Variants in GABRG3 observed in about 807,000 individuals in gnomAD.
GABRG3 encodes the protein gamma-aminobutyric acid type A receptor subunit gamma3, also known as gamma-aminobutyric acid receptor subunit gamma-3.
Under a neutral mutation model 48.8 loss-of-function variants are expected in GABRG3, and 25 were observed. That is an observed-to-expected ratio of 0.51 (90% CI 0.37 to 0.72). The LOEUF is 0.72. Ranked by LOEUF, GABRG3 falls within the 30% of genes least tolerant of loss-of-function variation. The pLI, the probability that GABRG3 is intolerant of heterozygous loss-of-function variation, is 0.00. For synonymous variants in GABRG3, 227 were observed against 217.6 expected (o/e 1.04, Z -0.38); for missense variants, 394 against 577.9 (o/e 0.68, Z 3.26).
In GABRG3 at chr15:27,539,104, C is replaced by G. The variant is rs1891611217; in HGVS notation, c.*6223C>G. The G allele has an allele frequency of 6.6e-6, 1 of 152,000 alleles. No individual in the cohort carries two copies. Among genetic ancestry groups the G allele is most frequent in the South Asian group, 2.1e-4 (1 of 4,822 alleles). The allele number at this position is 152,000 out of a possible 1,614,324, so 9.4% of individuals were successfully genotyped here. On this transcript the variant is annotated 3_prime_UTR_variant, in exon 10 of 10. Transcript: ENST00000615808. Reference sequence around the variant, plus strand: ...TCCTTTGGGAAAGGAACCTGTGGACCCTGGAGCTAAGTTGTCATTTTAGGG... The same window carrying G: ...TCCTTTGGGAAAGGAACCTGTGGACGCTGGAGCTAAGTTGTCATTTTAGGG...
intron 3 of GABRG3, among the ~76,000 whole-genome samples, chr15:27,067,916 C>T (rs1319271107): frequency 6.6e-6 from 1 of 152,162 alleles, no homozygotes; most frequent in Admixed American, 6.5e-5. Context: ...CTGCATCATA[C>T]TTTGAACATG....
chr15:27,222,845 G>C (rs1214093116), intron 3 of GABRG3, among the ~76,000 whole-genome samples: 1 of 152,160 alleles, frequency 6.6e-6, no homozygotes, highest in Non-Finnish European at 1.5e-5. Context: ...GGTTCCCCAC[G>C]GCCCTGGAAC....
At chr15:27,128,265 T>C (rs1243187645) in intron 3 of GABRG3, among the ~76,000 whole-genome samples, 2 of 152,174 alleles carry the variant, frequency 1.3e-5, no homozygotes, top group East Asian at 3.9e-4. Context: ...GGAGGAGAGC[T>C]TGTGGCTGCT....
At chr15:27,178,456 C>T (rs941235522) in intron 3 of GABRG3, among the ~76,000 whole-genome samples, 1 of 152,200 alleles carries the variant, frequency 6.6e-6, no homozygotes. Flanking sequence ...TCATTTAATA[C>T]TTGCTCTTGG....
At chr15:27,216,111 A>T (rs944505736) in intron 3 of GABRG3, among the ~76,000 whole-genome samples, 1 of 152,148 alleles carries the variant, frequency 6.6e-6, no homozygotes, top group Non-Finnish European at 1.5e-5. Flanking sequence ...CAGTTGCAGC[A>T]TGTTGCCCAG....
At chr15:27,111,821 C>T (rs985341100) in intron 3 of GABRG3, among the ~76,000 whole-genome samples, 1 of 152,128 alleles carries the variant, frequency 6.6e-6, no homozygotes, top group Non-Finnish European at 1.5e-5. Context: ...GTTTCTGTCC[C>T]TACTCCAGTG....
chr15:27,141,804 A>T (rs1289563928), intron 3 of GABRG3, among the ~76,000 whole-genome samples: 1 of 152,176 alleles, frequency 6.6e-6, no homozygotes, highest in Admixed American at 6.5e-5. Flanking sequence ...ACTACAGAGG[A>T]ATTAGTCTGT....
chr15:27,495,683 T>C (rs1319333600), intron 6 of GABRG3, among the ~76,000 whole-genome samples: 1 of 152,224 alleles, frequency 6.6e-6, no homozygotes, highest in East Asian at 1.9e-4. Context: ...TAAAATTTCC[T>C]TTGATTATTT....
At chr15:27,489,854 G>A (rs1805036274) in intron 6 of GABRG3, among the ~76,000 whole-genome samples, 1 of 152,134 alleles carries the variant, frequency 6.6e-6, no homozygotes, top group African/African-American at 2.4e-5. Context: ...TTCTTTTGCT[G>A]TGCAGAAGCT....
intron 5 of GABRG3, among the ~76,000 whole-genome samples, chr15:27,478,273 G>C (rs1027250899): frequency 1.5e-4 from 23 of 152,022 alleles, no homozygotes; most frequent in Admixed American, 1.4e-3. Context: ...TAAAGGACTT[G>C]TACCCAAAAT....
chr15:27,501,235 G>A (rs1890629626), intron 6 of GABRG3, among the ~76,000 whole-genome samples: 1 of 152,166 alleles, frequency 6.6e-6, no homozygotes, highest in African/African-American at 2.4e-5. Flanking sequence ...ACAGGCGTGA[G>A]CCACCGTGCC....
intron 6 of GABRG3, among the ~76,000 whole-genome samples, chr15:27,497,928 C>G (rs953243561): frequency 9.2e-5 from 14 of 152,304 alleles, no homozygotes; most frequent in Non-Finnish European, 1.9e-4. Flanking sequence ...TCATCTGCAA[C>G]AGGTTTTTGA....
chr15:27,258,105 GA>G (rs796350489), intron 3 of GABRG3, among the ~76,000 whole-genome samples: 2 of 152,298 alleles, frequency 1.3e-5, no homozygotes, highest in African/African-American at 4.8e-5. Flanking sequence ...ATGACGGGCT[GA>G]GGGGTGGCCA....
chr15:27,330,568 C>G (rs1225193210), intron 5 of GABRG3, among the ~76,000 whole-genome samples: 1 of 152,218 alleles, frequency 6.6e-6, no homozygotes. Flanking sequence ...TTCACAGAGC[C>G]TTTTAAGTGC....
At chr15:27,227,774 A>C (rs1889671262) in intron 3 of GABRG3, among the ~76,000 whole-genome samples, 1 of 152,166 alleles carries the variant, frequency 6.6e-6, no homozygotes, top group Admixed American at 6.5e-5. Context: ...AGGAAATTTC[A>C]GGAAACCTTA....
intron 3 of GABRG3, among the ~76,000 whole-genome samples, chr15:27,068,749 T>G (rs1477795155): frequency 6.6e-6 from 1 of 152,214 alleles, no homozygotes; most frequent in African/African-American, 2.4e-5. Flanking sequence ...AAACATGCAG[T>G]GCAGTTGCAA....
intron 3 of GABRG3, among the ~76,000 whole-genome samples, chr15:27,164,705 T>C (rs1186550452): frequency 6.6e-6 from 1 of 152,384 alleles, no homozygotes; most frequent in Admixed American, 6.5e-5. Context: ...CAATATCTGA[T>C]AGCTCTATGA....
At chr15:27,172,510 A>G (rs1182367758) in intron 3 of GABRG3, among the ~76,000 whole-genome samples, 2 of 152,062 alleles carry the variant, frequency 1.3e-5, no homozygotes, top group East Asian at 1.9e-4. Context: ...TCAAATTTGC[A>G]TACTGCACTT....
rs536416170 is a variant in GABRG3, at chr15:27,415,640, C to G, written c.575-65010C>G. 3.9e-5 allele frequency among the ~76,000 whole-genome samples: 6 copies of G among 152,140 alleles called. No homozygotes were observed. The South Asian group carries it at 1.2e-3, about 32-fold the overall frequency. ...CCATGTAACCAAACACCACCTGTTC[C>G]CCAAAACCTACTGACATTTAAAAAA... On this transcript the variant is annotated intron_variant, in intron 5 of 9. Transcript: ENST00000615808.
Sources: allele counts gnomAD v4.1 joint callset (sites outside exome capture counted in the v4.1 genomes callset), GRCh38; gene constraint gnomAD v4.1.1; transcripts MANE v1.5; gene names NCBI Gene and HGNC (gene_info 2026-07-23, HGNC 2026-07-21).